The following TERT variants were observed in gnomAD, a reference collection of about 807,000 sequenced individuals.
The protein encoded by TERT is telomerase reverse transcriptase, also known as telomerase catalytic subunit.
Under a neutral mutation model 104.0 loss-of-function variants are expected in TERT, and 42 were observed. The ratio of observed to expected loss-of-function variants is 0.40; its 90% CI spans 0.32 to 0.52. The LOEUF (loss-of-function observed/expected upper bound fraction) is 0.52. Among genes scored for constraint, TERT ranks in the 20% least tolerant of loss-of-function variants. The probability of loss-of-function intolerance (pLI) is 0.43; values close to 1 mark genes in which losing one functional copy is unlikely to be tolerated. For synonymous variants in TERT, 781 were observed against 725.6 expected, an observed-to-expected ratio of 1.08 and a Z score of -1.23; for missense variants, 1,101 against 1,610.3, an observed-to-expected ratio of 0.68 and a Z score of 5.41.
At chr5:1,289,049 G>C (rs1301425415) in intron 2 of TERT, among the ~76,000 whole-genome samples, 1 of 152,076 alleles carries the variant, frequency 6.6e-6, no homozygotes, top group African/African-American at 2.4e-5. Flanking sequence ...TCAGGAGCAA[G>C]CTCAAGTGAG....
In TERT at chr5:1,274,729, G is replaced by C. The variant is rs1024138275; in HGVS notation, c.2287-2449C>G. On this transcript the variant is annotated intron_variant, in intron 6 of 15. Coordinates refer to ENST00000310581, the MANE Select transcript of TERT (RefSeq NM_198253.3). The surrounding 1 kb of genome is among the most constrained non-coding windows in gnomAD (Gnocchi z 5.3). The stretch of plus-strand genomic sequence containing the variant: ...TGCGCCGGGTTCCTAACAGGCCCCA[G>C]ACCGGTGCCACTCCACAGCCAGGGG... Among the ~76,000 whole-genome samples the C allele has an allele frequency of 1.3e-5, 2 of 152,210 alleles. No homozygotes were observed. The highest frequency in any genetic ancestry group is 4.8e-5 in the African/African-American group (2 of 41,448).
rs1304418053 is a variant in TERT at position 1,293,547 on chromosome 5, G to A, written c.1339C>T (p.Arg447Cys). The A allele has an allele frequency of 3.2e-6, 5 of 1,549,848 alleles. No individual in the cohort carries two copies. In the Admixed American group the frequency reaches 7.8e-5, roughly 24 times the overall value. The change falls in exon 2 of 16, where the codon CGC becomes TGC. Residue 447 changes from arginine to cysteine, a missense_variant. Coordinates refer to ENST00000310581, the MANE Select transcript of TERT (RefSeq NM_198253.3). The part of the protein sequence containing the change: ...APEEEDTDPR[R>C]LVQLLRQHSS... The stretch of plus-strand genomic sequence containing the variant: ...TGCTGGCGGAGCAGCTGCACCAGGC[G>A]ACGGGGGTCTGTGTCCTCCTCCTCG...
At position 1,264,538 on chromosome 5, in the gene TERT, T is replaced by C; in HGVS notation, c.2709A>G (p.Thr903=). 1 of 1,613,992 alleles carries C rather than the reference T, an allele frequency of 6.2e-7. No homozygotes were observed. Among genetic ancestry groups the C allele is most frequent in the Non-Finnish European group, 8.5e-7 (1 of 1,180,026 alleles). The change falls in exon 11 of 16, where the codon ACA becomes ACG. Residue 903 remains threonine (T), a synonymous_variant. Transcript: ENST00000310581. ...CGTCTTCTACAGGGAAGTTCACCACTGTCTTCCGCAAGTTCACCACGCAGC... is the reference window on the plus strand; with the variant it reads ...CGTCTTCTACAGGGAAGTTCACCACCGTCTTCCGCAAGTTCACCACGCAGC... ...EYGCVVNLRK[T]VVNFPVEDEA...
chr5:1,292,338 G>A lies in TERT; in HGVS notation c.1573+975C>T, dbSNP rs1224976848. On this transcript the variant is annotated intron_variant, in intron 2 of 15. Coordinates refer to ENST00000310581, the MANE Select transcript of TERT (RefSeq NM_198253.3). The surrounding 1 kb of genome is among the most constrained non-coding windows in gnomAD (Gnocchi z 5.5). ...AAAAACAGGGTGGGGACACGGCAGG[G>A]CCCAGCAGCACCATCCCCTGAACAC... Among the ~76,000 whole-genome samples, 2 of 151,964 alleles carry A rather than the reference G, an allele frequency of 1.3e-5. No individual in the cohort carries two copies. Among genetic ancestry groups the A allele is most frequent in the East Asian group, 1.9e-4 (1 of 5,182 alleles).
Position 1,278,510 on chromosome 5 carries a change from G to A in TERT, c.2286+131C>T, listed in dbSNP as rs1037707748. 5.6e-5 allele frequency: 72 copies of A among 1,296,498 alleles called. No individual in the cohort carries two copies. The East Asian group carries it at 6.2e-4, about 11-fold the overall frequency. 80.3% of individuals were successfully genotyped at this position (1,296,498 alleles called of 1,614,324 possible). On this transcript the variant is annotated intron_variant, in intron 6 of 15. Coordinates refer to ENST00000310581, the MANE Select transcript of TERT (RefSeq NM_198253.3). ...ACCACGACACACACGTGCCACACACGCATATCACAGATGTGTAAATCATGG... is the reference window on the plus strand; with the variant it reads ...ACCACGACACACACGTGCCACACACACATATCACAGATGTGTAAATCATGG...
In TERT at chr5:1,264,031, G is replaced by A. The variant is rs549211578; in HGVS notation, c.2843+373C>T. Among the ~76,000 whole-genome samples the A allele has an allele frequency of 1.2e-4, 17 of 137,136 alleles. 1 individual carries two copies. Among genetic ancestry groups the A allele is most frequent in the South Asian group, 6.2e-4 (3 of 4,804 alleles). 90.0% of individuals were successfully genotyped at this position (137,136 alleles called of 152,430 possible). On this transcript the variant is annotated intron_variant, in intron 11 of 15. Transcript: ENST00000310581. ...ACGCCCAGCAGGGCCCCAGGGTCTC[G>A]GGTTCAGAGGGACTCATGCCCAGCA...
chr5:1,283,636 ACAGCAGGGCCTGGCGACCTCACGCCGGAC>A (rs1750231277), intron 2 of TERT, among the ~76,000 whole-genome samples: 1 of 143,386 alleles, frequency 7.0e-6, no homozygotes, highest in African/African-American at 2.7e-5. Flanking sequence ...CATCCAGCTC[ACAGCAGGGCCTGGCGACCTCACGCCGGAC>A]CTGCACCATC....
chr5:1,290,407 G>A (rs1368922197), intron 2 of TERT, among the ~76,000 whole-genome samples: 1 of 62,084 alleles, frequency 1.6e-5, no homozygotes, highest in Non-Finnish European at 2.9e-5. Context: ...CACCCTGCAC[G>A]TGACAGGGAC....
chr5:1,294,703 T>C lies in TERT; in HGVS notation c.220-37A>G, dbSNP rs989230395. The C allele has an allele frequency of 7.6e-6, 12 of 1,581,692 alleles. No homozygotes were observed. In the African/African-American group the frequency reaches 1.2e-4, roughly 16 times the overall value. ...GCGCCCTGAGTCGCCTGCGCTGCTC[T>C]CCGCATGTCGCTGGTTCCCCCCGGC... On this transcript the variant is annotated intron_variant, in intron 1 of 15. Transcript: ENST00000310581.
At chr5:1,254,750 A>G (rs1364027100) in intron 14 of TERT, among the ~76,000 whole-genome samples, 2 of 152,228 alleles carry the variant, frequency 1.3e-5, no homozygotes, top group Non-Finnish European at 2.9e-5. Context: ...CATGGCTTGA[A>G]TTTCAGACGG....
chr5:1,280,124 G>A (rs753658215), intron 4 of TERT, 34 bp downstream of exon 4: 1 of 1,613,380 alleles, frequency 6.2e-7, no homozygotes, highest in South Asian at 1.1e-5. Flanking sequence ...ACGCACTTCT[G>A]TTTAAAAAGG....
At chr5:1,289,743 G>A (rs1750751383) in intron 2 of TERT, among the ~76,000 whole-genome samples, 1 of 108,198 alleles carries the variant, frequency 9.2e-6, no homozygotes, top group Non-Finnish European at 1.8e-5. Flanking sequence ...ACGTGACAGG[G>A]ACACCCGGGG....
chr5:1,275,760 A>G (rs1344480251), intron 6 of TERT, among the ~76,000 whole-genome samples: 1 of 131,002 alleles, frequency 7.6e-6, no homozygotes, highest in Admixed American at 7.4e-5. Flanking sequence ...ATGAAAACCA[A>G]TCCCACAGAT....
chr5:1,282,809 C>T (rs1413853821), intron 2 of TERT, 185 bp from the exon 3 acceptor site: 2 of 669,198 alleles, frequency 3.0e-6, no homozygotes, highest in East Asian at 2.8e-5. Context: ...CCTGGACCTG[C>T]ACCATTCGGA....
chr5:1,257,928 A>T lies in TERT; in HGVS notation c.3032+670T>A, dbSNP rs1747869374. 6.6e-6 allele frequency among the ~76,000 whole-genome samples: 1 copy of T among 152,118 alleles called. No homozygotes were observed. The highest frequency in any genetic ancestry group is 6.5e-5 in the Admixed American group (1 of 15,284). ...TGGAGGCCCGGGCCTGTGGTGCCCG[A>T]CTGCCCTTTGGTACAGCCCCGAGGC... On this transcript the variant is annotated intron_variant, in intron 13 of 15. Transcript: ENST00000310581. This position sits in a 1 kb window ranked among gnomAD's most constrained non-coding sequence, Gnocchi z 5.6.
chr5:1,258,734 A>C (rs1403760073), intron 12 of TERT, 75 bp from the exon 13 acceptor site: 7 of 1,184,360 alleles, frequency 5.9e-6, no homozygotes, highest in African/African-American at 1.5e-5. Context: ...TTGCTTTATC[A>C]TCCATTCAGA....
rs34181584 is a variant in TERT at position 1,268,331 on chromosome 5, G to A, written c.2582+189C>T. Among the ~76,000 whole-genome samples, 6 of 152,246 alleles carry A rather than the reference G, an allele frequency of 3.9e-5. No individual in the cohort carries two copies. In the East Asian group the frequency reaches 5.8e-4, roughly 15 times the overall value. The stretch of plus-strand genomic sequence containing the variant: ...GACATGGCCGCTGGACAGAGCCTGC[G>A]TGGAGCCCGCAGTCCTCAGGCTGTG... On this transcript the variant is annotated intron_variant, in intron 9 of 15. Coordinates refer to ENST00000310581, the MANE Select transcript of TERT (RefSeq NM_198253.3). The surrounding 1 kb of genome is among the most constrained non-coding windows in gnomAD (Gnocchi z 5.5).
At chr5:1,289,113 G>T (rs1253966819) in intron 2 of TERT, among the ~76,000 whole-genome samples, 1 of 151,856 alleles carries the variant, frequency 6.6e-6, no homozygotes. Context: ...ACGAGACAGG[G>T]ACACCCAGGG....
intron 3 of TERT, among the ~76,000 whole-genome samples, chr5:1,281,644 A>T (rs1750026810): frequency 6.6e-6 from 1 of 152,184 alleles, no homozygotes; most frequent in Non-Finnish European, 1.5e-5. Context: ...AAATGCAGCC[A>T]CCTAGAAGTT....
Sources: gnomAD v4.1 joint callset for allele counts (sites outside exome capture counted in the v4.1 genomes callset) on GRCh38, gnomAD v4.1.1 for gene constraint, Gnocchi (gnomAD v3.1) non-coding constraint, MANE v1.5 for transcripts, NCBI Gene and HGNC (gene_info 2026-07-23, HGNC 2026-07-21) for gene names.